SUSD1: variants seen among roughly 807,000 people sequenced by gnomAD.
The protein encoded by SUSD1 is sushi domain containing 1.
A neutral mutation model predicts 86.9 loss-of-function variants in SUSD1; 65 were observed. The ratio of observed to expected loss-of-function variants is 0.75; its 90% CI spans 0.61 to 0.92. The LOEUF is 0.92. Ranked by LOEUF, SUSD1 falls within the 40% of genes least tolerant of loss-of-function variation. The pLI is 0.00. For missense variants in SUSD1, 850 were observed against 929.7 expected, an observed-to-expected ratio of 0.91 and a Z score of 1.11; for synonymous variants, 346 against 350.0, an observed-to-expected ratio of 0.99 and a Z score of 0.13.
intron 1 of SUSD1, chr9:112,173,714 C>A (rs1036715498): frequency 1.2e-5 from 5 of 401,974 alleles, no homozygotes; most frequent in Non-Finnish European, 1.9e-5. Context: ...GAGCTGACAC[C>A]CTTTGGAATC....
At chr9:112,066,067 GAAGACGGCCGGCCGAGCC>G (rs955230013) in intron 12 of SUSD1, among the ~76,000 whole-genome samples, 3 of 152,214 alleles carry the variant, frequency 2.0e-5, no homozygotes, top group African/African-American at 7.2e-5. Context: ...CACACCACTA[GAAGACGGCCGGCCGAGCC>G]AAGTGTGGAA....
chr9:112,157,461 G>T, intron 2 of SUSD1, 39 bp downstream of exon 2: 3 of 1,416,016 alleles, frequency 2.1e-6, no homozygotes, highest in South Asian at 1.2e-5. Flanking sequence ...CTTGTTTCTC[G>T]ATTCAGCTTT....
At chr9:112,093,463 C>A (rs572684589) in intron 10 of SUSD1, among the ~76,000 whole-genome samples, 15 of 152,140 alleles carry the variant, frequency 9.9e-5, no homozygotes, top group Non-Finnish European at 1.9e-4. Flanking sequence ...GTAAGCCAGG[C>A]AAGGGTCCCT....
At chr9:112,167,276 A>G (rs1833866057) in intron 1 of SUSD1, among the ~76,000 whole-genome samples, 1 of 151,970 alleles carries the variant, frequency 6.6e-6, no homozygotes, top group South Asian at 2.1e-4. Flanking sequence ...TTTTATTATT[A>G]TTATTTTATA....
In SUSD1 at chr9:112,143,601, A is replaced by C; in HGVS notation, c.396T>G (p.Ser132=). ...ATCGCCCTCCATGCCTGCACAGGCCAGAAACTTCACACTCATCTATGTCTT... is the reference window on the plus strand; with the variant it reads ...ATCGCCCTCCATGCCTGCACAGGCCCGAAACTTCACACTCATCTATGTCTT... ...FCTDIDECEV[S]GLCRHGGRCV... is the part of the protein sequence containing the mutation. The change falls in exon 4 of 17, where the codon TCT becomes TCG. Residue 132 remains serine (S), a synonymous_variant. Coordinates refer to ENST00000374270, the MANE Select transcript of SUSD1 (RefSeq NM_022486.5). The C allele has an allele frequency of 6.2e-7, 1 of 1,613,860 alleles. No homozygotes were observed. The highest frequency in any genetic ancestry group is 8.5e-7 in the Non-Finnish European group (1 of 1,179,874).
chr9:112,078,622 G>A lies in SUSD1; in HGVS notation c.1669C>T (p.Arg557Cys), dbSNP rs764469249. ...SRDPEVCLDL[R>C]PGTNYNVSLR... ...CTGACATTGTAGTTGGTACCCGGAC[G>A]TAGGTCCAAGCACACCTCGGGATCT... Residue 557 changes from arginine (R) to cysteine (C), a missense_variant, in exon 12 of 17, where the codon CGT (arginine) becomes TGT (cysteine). By Grantham distance (180) the Arg-to-Cys change is radical. Coordinates refer to ENST00000374270, the MANE Select transcript of SUSD1 (RefSeq NM_022486.5). 77 of 1,613,950 alleles carry A rather than the reference G, an allele frequency of 4.8e-5. No individual in the cohort carries two copies. In the South Asian group the frequency reaches 5.8e-4, roughly 12 times the overall value.
chr9:112,129,249 CTA>C (rs530774598), intron 5 of SUSD1, among the ~76,000 whole-genome samples: 123 of 152,240 alleles, frequency 8.1e-4, no homozygotes, highest in African/African-American at 2.7e-3. Context: ...GGAATAAAGA[CTA>C]TTACCTACAC....
Position 112,175,270 on chromosome 9 carries a change from C to T in SUSD1, c.-35G>A. The T allele has an allele frequency of 4.4e-6, 5 of 1,137,632 alleles. No homozygotes were observed. The highest frequency in any genetic ancestry group is 5.4e-6 in the Non-Finnish European group (5 of 927,540). 70.5% of individuals were successfully genotyped at this position (1,137,632 alleles called of 1,614,324 possible). Reference sequence around the variant, plus strand: ...GGTCCCTCCCGGCGCGCCCGCGCCTCCTCCCGGGGCCCTCAGGGTGCAGAG... The same window carrying T: ...GGTCCCTCCCGGCGCGCCCGCGCCTTCTCCCGGGGCCCTCAGGGTGCAGAG... On this transcript the variant is annotated 5_prime_UTR_variant, in exon 1 of 17. Transcript: ENST00000374270. The surrounding 1 kb of genome is among the most constrained non-coding windows in gnomAD (Gnocchi z 4.7).
At chr9:112,087,622 G>A (rs1830039129) in intron 10 of SUSD1, among the ~76,000 whole-genome samples, 1 of 152,006 alleles carries the variant, frequency 6.6e-6, no homozygotes, top group African/African-American at 2.4e-5. Flanking sequence ...GCCTAAAGAA[G>A]GGTAGATTGA....
intron 1 of SUSD1, among the ~76,000 whole-genome samples, chr9:112,171,109 G>A (rs1476727535): frequency 9.2e-5 from 14 of 152,100 alleles, no homozygotes; most frequent in South Asian, 4.1e-4. Flanking sequence ...AATCAGTAAC[G>A]GCCAGCTACG....
chr9:112,124,400 G>C lies in SUSD1; in HGVS notation c.743C>G (p.Ala248Gly). 6.2e-7 allele frequency: 1 copy of C among 1,614,076 alleles called. No homozygotes were observed. The highest frequency in any genetic ancestry group is 8.5e-7 in the Non-Finnish European group (1 of 1,179,964). Residue 248 changes from alanine (A) to glycine (G), a missense_variant, in exon 6 of 17, where the codon GCC becomes GGC. Physicochemically the swap from Ala to Gly is moderately conservative, Grantham distance 60 (BLOSUM62 0). Coordinates refer to ENST00000374270, the MANE Select transcript of SUSD1 (RefSeq NM_022486.5). ...GGAGCTGTGATTTCCTACCAAGATG[G>C]CGTGCCGCATTTCTGGAGGGTTGCC... is the stretch of plus-strand genomic sequence containing the variant. ...NCGNPPEMRHAILVGNHSSRL... is the reference protein window; with the variant it reads ...NCGNPPEMRHGILVGNHSSRL...
At chr9:112,098,346 G>T in intron 10 of SUSD1, 124 bp downstream of exon 10, 1 of 961,764 alleles carries the variant, frequency 1.0e-6, no homozygotes, top group Admixed American at 2.7e-5. Context: ...AGCTAACAAA[G>T]TTTGTTAGAA....
intron 8 of SUSD1, chr9:112,103,113 G>T (rs1830696518): frequency 2.2e-6 from 1 of 455,922 alleles, no homozygotes; most frequent in Admixed American, 2.7e-5. Context: ...CCAGAGAGAA[G>T]CTATTTTATA....
chr9:112,110,237 T>C (rs569240928), intron 8 of SUSD1, among the ~76,000 whole-genome samples: 1 of 152,110 alleles, frequency 6.6e-6, no homozygotes, highest in Non-Finnish European at 1.5e-5. Context: ...TAATCCCAGC[T>C]ACTCAGAAGG....
At chr9:112,068,908 A>G (rs1369188478) in intron 12 of SUSD1, among the ~76,000 whole-genome samples, 1 of 152,142 alleles carries the variant, frequency 6.6e-6, no homozygotes, top group Non-Finnish European at 1.5e-5. Flanking sequence ...GACGGCAGGA[A>G]TCTGGCAACC....
At chr9:112,080,678 A>G (rs570764806) in intron 10 of SUSD1, among the ~76,000 whole-genome samples, 1 of 139,486 alleles carries the variant, frequency 7.2e-6, no homozygotes, top group Non-Finnish European at 1.5e-5. Flanking sequence ...ACAGAGTGAG[A>G]CTCTGTCTCA....
intron 8 of SUSD1, among the ~76,000 whole-genome samples, chr9:112,106,020 C>T (rs987377570): frequency 3.3e-5 from 5 of 152,106 alleles, no homozygotes; most frequent in African/African-American, 1.2e-4. Flanking sequence ...GAGACAGTCT[C>T]GCTCTGTTGC....
chr9:112,052,687 T>C (rs1828271945), intron 14 of SUSD1, among the ~76,000 whole-genome samples: 1 of 152,164 alleles, frequency 6.6e-6, no homozygotes, highest in Non-Finnish European at 1.5e-5. Flanking sequence ...TTGGAAAGCA[T>C]ATATGATAGG....
intron 3 of SUSD1, among the ~76,000 whole-genome samples, chr9:112,147,843 GC>G (rs1320240413): frequency 1.4e-5 from 2 of 139,430 alleles, no homozygotes; most frequent in African/African-American, 5.9e-5. Context: ...CATCTTATAT[GC>G]TTTTTTTTTA....
Sources: allele counts gnomAD v4.1 joint callset (sites outside exome capture counted in the v4.1 genomes callset), GRCh38; gene constraint gnomAD v4.1.1; non-coding constraint Gnocchi (gnomAD v3.1); transcripts MANE v1.5; gene names NCBI Gene and HGNC (gene_info 2026-07-23, HGNC 2026-07-21).